The following TCF7 variants were observed in gnomAD, a reference collection of about 807,000 sequenced individuals.
The protein encoded by TCF7 is T-cell-factor-7.
TCF7 carries 19 observed loss-of-function variants against 46.8 expected under a neutral mutation model. The ratio of observed to expected loss-of-function variants is 0.41; its 90% confidence interval spans 0.28 to 0.60. TCF7 has a LOEUF of 0.60. Ranked by LOEUF, TCF7 falls within the 20% of genes least tolerant of loss-of-function variation. The pLI, the probability that TCF7 is intolerant of heterozygous loss-of-function variation, is 0.35. For missense variants in TCF7, 547 were observed against 504.6 expected (o/e 1.08, Z -0.81); for synonymous variants, 245 against 213.4 (o/e 1.15, Z -1.29).
chr5:134,144,437 G>T lies in TCF7; in HGVS notation c.1075+797G>T, dbSNP rs1760362099. The T allele has an allele frequency of 2.4e-5, 7 of 296,692 alleles. No homozygotes were observed. The South Asian group carries it at 2.9e-4, about 12-fold the overall frequency. 18.4% of individuals were successfully genotyped at this position (296,692 alleles called of 1,614,324 possible). ...TAGGGAGTTGGGGAGGAGGTGGGTG[G>T]CCCTAGGGCATAAAAGGCTGGATCT... is the stretch of plus-strand genomic sequence containing the variant. On this transcript the variant is annotated intron_variant, in intron 9 of 9. Coordinates refer to ENST00000342854, the MANE Select transcript of TCF7 (RefSeq NM_003202.5).
chr5:134,116,616 C>T (rs574230240), intron 3 of TCF7, among the ~76,000 whole-genome samples: 1 of 152,306 alleles, frequency 6.6e-6, no homozygotes, highest in East Asian at 1.9e-4. Flanking sequence ...TCAGACATAC[C>T]AGGAAGGGTT....
chr5:134,134,188 A>C (rs1758538591), intron 3 of TCF7, among the ~76,000 whole-genome samples: 1 of 152,184 alleles, frequency 6.6e-6, no homozygotes. Context: ...GCAGAGCCCC[A>C]ACTCTGGGCA....
chr5:134,141,859 A>T (rs1759827788), intron 5 of TCF7: 1 of 224,662 alleles, frequency 4.5e-6, no homozygotes, highest in Non-Finnish European at 8.8e-6. Context: ...CAGGAGAGGG[A>T]TGAGGCCTCA....
intron 3 of TCF7, among the ~76,000 whole-genome samples, chr5:134,129,682 CACTCGGCTAAGTGGGGCTCAG>C (rs1268821465): frequency 6.6e-6 from 1 of 152,270 alleles, no homozygotes; most frequent in Non-Finnish European, 1.5e-5. Context: ...TGGGCCACGC[CACTCGGCTAAGTGGGGCTCAG>C]TGAGTTCCGA....
intron 3 of TCF7, 135 bp downstream of exon 3, chr5:134,116,168 C>T: frequency 2.1e-6 from 3 of 1,426,820 alleles, no homozygotes; most frequent in Non-Finnish European, 2.8e-6. Context: ...CCATACACAC[C>T]CGGTGGGATC....
chr5:134,145,115 G>A, intron 9 of TCF7: 2 of 642,706 alleles, frequency 3.1e-6, no homozygotes, highest in Admixed American at 2.1e-5. Context: ...AGGAAGGACA[G>A]ACTCAAGAAG....
At chr5:134,125,481 A>G (rs1757223286) in intron 3 of TCF7, among the ~76,000 whole-genome samples, 1 of 152,112 alleles carries the variant, frequency 6.6e-6, no homozygotes, top group African/African-American at 2.4e-5. Flanking sequence ...CCTGGAGCCA[A>G]TTTATCTGGG....
intron 3 of TCF7, among the ~76,000 whole-genome samples, chr5:134,122,717 C>T (rs1261397720): frequency 6.6e-6 from 1 of 152,246 alleles, no homozygotes; most frequent in Non-Finnish European, 1.5e-5. Context: ...CAAAGCCATA[C>T]AGTCACACCC....
At chr5:134,127,135 C>CA (rs1338468817) in intron 3 of TCF7, among the ~76,000 whole-genome samples, 1 of 152,134 alleles carries the variant, frequency 6.6e-6, no homozygotes, top group Non-Finnish European at 1.5e-5. Flanking sequence ...GTGGTACCCC[C>CA]AGCACACTGT....
At chr5:134,115,858 T>C in intron 2 of TCF7, 51 bp from the exon 3 acceptor site, 4 of 1,612,320 alleles carry the variant, frequency 2.5e-6, no homozygotes, top group Non-Finnish European at 3.4e-6. Flanking sequence ...CAGCCTTCAG[T>C]CCCAGCCGCT....
chr5:134,143,764 T>C (rs551705103), intron 9 of TCF7, 124 bp downstream of exon 9: 3 of 1,075,730 alleles, frequency 2.8e-6, no homozygotes, highest in East Asian at 2.6e-5. Flanking sequence ...CTGGGGCCTA[T>C]GAAAACAAGG....
intron 5 of TCF7, chr5:134,140,830 T>C (rs1486680955): frequency 2.2e-6 from 1 of 455,428 alleles, no homozygotes; most frequent in Non-Finnish European, 4.4e-6. Flanking sequence ...GTCCCCTTCC[T>C]GCGGATATAG....
chr5:134,141,942 C>T lies in TCF7; in HGVS notation c.636-243C>T, dbSNP rs1759846090. On this transcript the variant is annotated intron_variant, in intron 5 of 9. Coordinates refer to ENST00000342854, the MANE Select transcript of TCF7 (RefSeq NM_003202.5). The stretch of plus-strand genomic sequence containing the variant: ...GAGAAGGGGACAGATTCAAAAGCTA[C>T]TTGGGACCTATGTAGTAACCATCTG... 7.2e-6 allele frequency: 3 copies of T among 419,136 alleles called. No individual in the cohort carries two copies. In the East Asian group the frequency reaches 1.2e-4, roughly 16 times the overall value. The allele number at this position is 419,136 out of a possible 1,614,324, so 26.0% of individuals were successfully genotyped here.
chr5:134,115,628 C>T, intron 2 of TCF7: 4 of 1,433,046 alleles, frequency 2.8e-6, no homozygotes, highest in South Asian at 3.0e-5. Context: ...CCCTCCTGCC[C>T]AGGTGACTGA....
chr5:134,109,770 C>CAAAAAAAAAAAAAAAAAAAAA (rs59510685), upstream of TCF7, among the ~76,000 whole-genome samples: 110 of 140,290 alleles, frequency 7.8e-4, 1 homozygote, highest in African/African-American at 2.7e-3. Context: ...GGCTCCATCT[C>CAAAAAAAAAAAAAAAAAAAAA]AAAAAAAAAA....
At chr5:134,135,822 A>G (rs1346438483) in intron 3 of TCF7, among the ~76,000 whole-genome samples, 1 of 152,244 alleles carries the variant, frequency 6.6e-6, no homozygotes, top group Non-Finnish European at 1.5e-5. Flanking sequence ...GATGGGAGCC[A>G]GAAACAAGGT....
Position 134,115,986 on chromosome 5 carries a change from C to T in TCF7, c.394C>T (p.Pro132Ser). The change falls in exon 3 of 10, where the codon CCA becomes TCA. Residue 132 changes from proline (P) to serine (S), a missense_variant. Around this residue, in one of 3 missense-constraint regions of TCF7, gnomAD observed 425 missense variants for 349.9 expected, o/e 1.21. Coordinates refer to ENST00000342854, the MANE Select transcript of TCF7 (RefSeq NM_003202.5). Reference sequence around the variant, plus strand: ...CGCCTTCAATCTGCTCATGCATTACCCACCCCCCTCGGGAGCAGGGCAGCA... The same window carrying T: ...CGCCTTCAATCTGCTCATGCATTACTCACCCCCCTCGGGAGCAGGGCAGCA... ...YSAFNLLMHY[P>S]PPSGAGQHPQ... 1 of 1,613,872 alleles carries T rather than the reference C, an allele frequency of 6.2e-7. No individual in the cohort carries two copies. Among genetic ancestry groups the T allele is most frequent in the Non-Finnish European group, 8.5e-7 (1 of 1,179,994 alleles).
At chr5:134,129,281 T>G (rs2149311465) in intron 3 of TCF7, among the ~76,000 whole-genome samples, 1 of 152,316 alleles carries the variant, frequency 6.6e-6, no homozygotes, top group South Asian at 2.1e-4. Context: ...AATCTGCACC[T>G]GGTATTTTCC....
chr5:134,115,413 C>T, intron 2 of TCF7, 26 bp downstream of exon 2: 5 of 1,582,212 alleles, frequency 3.2e-6, no homozygotes, highest in Non-Finnish European at 4.3e-6. Flanking sequence ...GCCCGGCTTC[C>T]CTTCGTCGCG....
Sources: allele counts gnomAD v4.1 joint callset (sites outside exome capture counted in the v4.1 genomes callset), GRCh38; gene constraint gnomAD v4.1.1; regional missense constraint gnomAD v4.1.1; transcripts MANE v1.5; gene names NCBI Gene and HGNC (gene_info 2026-07-23, HGNC 2026-07-21).